Variants in ADAMTSL3 observed in about 807,000 individuals in gnomAD.
ADAMTSL3 encodes ADAMTS like 3.
A neutral mutation model predicts 201.7 loss-of-function variants in ADAMTSL3; 128 were observed. The observed-to-expected ratio is 0.63, with a 90% CI of 0.55 to 0.73. The LOEUF is 0.73. ADAMTSL3 is among the 30% of genes least tolerant of loss of function. The pLI is 0.00. For missense variants in ADAMTSL3, 1,990 were observed against 2,119.6 expected (o/e 0.94, Z 1.20); for synonymous variants, 738 against 748.4 (o/e 0.99, Z 0.23).
chr15:83,850,442 GTA>G (rs532145488), intron 7 of ADAMTSL3, among the ~76,000 whole-genome samples: 3 of 150,518 alleles, frequency 2.0e-5, no homozygotes, highest in African/African-American at 4.9e-5. Context: ...ATACATATGT[GTA>G]TATATATGTG....
chr15:83,737,601 T>G (rs1002713262), intron 3 of ADAMTSL3, among the ~76,000 whole-genome samples: 15 of 152,236 alleles, frequency 9.9e-5, no homozygotes, highest in African/African-American at 3.6e-4. Flanking sequence ...AACTCTTTTC[T>G]TTATAAGTTG....
intron 16 of ADAMTSL3, among the ~76,000 whole-genome samples, chr15:83,921,179 T>C (rs2066136250): frequency 6.6e-6 from 1 of 152,180 alleles, no homozygotes; most frequent in African/African-American, 2.4e-5. Context: ...TGTGTGGAGT[T>C]GGGGAGTTCA....
chr15:83,776,675 C>A (rs12908469), intron 4 of ADAMTSL3, among the ~76,000 whole-genome samples: 1 of 151,972 alleles, frequency 6.6e-6, no homozygotes, highest in Non-Finnish European at 1.5e-5. Context: ...TGAGATTGCG[C>A]CATTGCACTC....
chr15:83,716,626 T>G lies in ADAMTSL3; in HGVS notation c.189+12118T>G, dbSNP rs537930692. Among the ~76,000 whole-genome samples, 9 of 130,444 alleles carry G rather than the reference T, an allele frequency of 6.9e-5. No individual in the cohort carries two copies. In the East Asian group the frequency reaches 9.5e-4, roughly 14 times the overall value. The allele number at this position is 130,444 out of a possible 152,430, so 85.6% of individuals were successfully genotyped here. A position where few individuals can be genotyped will look rare whatever the true frequency, so the allele number is the denominator to read the frequency against. ...TATTTCTTTGTGTGTGTGTGTGTGT[T>G]GTGTGTGTGTGTGTTTGTAATTATT... is the stretch of plus-strand genomic sequence containing the variant. On this transcript the variant is annotated intron_variant, in intron 3 of 29. Coordinates refer to ENST00000286744, the MANE Select transcript of ADAMTSL3 (RefSeq NM_207517.3).
intron 3 of ADAMTSL3, among the ~76,000 whole-genome samples, chr15:83,733,297 A>G (rs1330632636): frequency 6.6e-6 from 1 of 152,190 alleles, no homozygotes; most frequent in East Asian, 1.9e-4. Flanking sequence ...AAATGAATGG[A>G]CAAAACTAAT....
intron 3 of ADAMTSL3, among the ~76,000 whole-genome samples, chr15:83,737,508 G>A (rs187458384): frequency 8.0e-4 from 122 of 152,216 alleles, no homozygotes; most frequent in Non-Finnish European, 1.2e-3. Context: ...CTGCCACCAC[G>A]TATGACATGC....
At chr15:84,005,558 A>C (rs1409085574) in intron 23 of ADAMTSL3, among the ~76,000 whole-genome samples, 1 of 152,198 alleles carries the variant, frequency 6.6e-6, no homozygotes, top group African/African-American at 2.4e-5. Flanking sequence ...TCTAGCCTAT[A>C]AATAAGACTC....
chr15:83,862,052 AAG>A (rs2064874772), intron 8 of ADAMTSL3: 1 of 152,192 alleles, frequency 6.6e-6, no homozygotes, highest in East Asian at 1.9e-4. Flanking sequence ...ATGAAGCGAA[AAG>A]AGAAGTTTAG....
chr15:83,842,641 G>A (rs57538494), intron 7 of ADAMTSL3, among the ~76,000 whole-genome samples: 15,958 of 152,282 alleles, frequency 0.1, 1,001 homozygotes, highest in Admixed American at 0.2. Context: ...TCTGGGGATT[G>A]ATTTTAAGAG....
chr15:83,970,270 G>T (rs1596479890), intron 19 of ADAMTSL3, among the ~76,000 whole-genome samples: 1 of 150,176 alleles, frequency 6.7e-6, no homozygotes, highest in African/African-American at 2.4e-5. Flanking sequence ...AAAAGAGAAA[G>T]AAAGAAAGGA....
chr15:83,797,871 A>G (rs1359816999), intron 4 of ADAMTSL3, among the ~76,000 whole-genome samples: 1 of 152,162 alleles, frequency 6.6e-6, no homozygotes, highest in Non-Finnish European at 1.5e-5. Context: ...GTGGTTTAAG[A>G]TTGCTCATTG....
chr15:84,001,290 T>C (rs2067788355), intron 23 of ADAMTSL3, among the ~76,000 whole-genome samples: 1 of 152,198 alleles, frequency 6.6e-6, no homozygotes, highest in Non-Finnish European at 1.5e-5. Flanking sequence ...GGCAGCCATA[T>C]TGCAAAGAGC....
intron 3 of ADAMTSL3, among the ~76,000 whole-genome samples, chr15:83,710,495 C>A (rs753507245): frequency 6.6e-6 from 1 of 152,036 alleles, no homozygotes; most frequent in Non-Finnish European, 1.5e-5. Flanking sequence ...CTTCAACAGG[C>A]ATCCTTTTTA....
At chr15:84,026,639 CAT>C (rs200638959) in intron 27 of ADAMTSL3, among the ~76,000 whole-genome samples, 2 of 151,760 alleles carry the variant, frequency 1.3e-5, no homozygotes, top group Non-Finnish European at 2.9e-5. Flanking sequence ...GAGATAAACC[CAT>C]ATATATATAT....
intron 15 of ADAMTSL3, among the ~76,000 whole-genome samples, chr15:83,904,200 C>G (rs1476467022): frequency 6.6e-6 from 1 of 151,858 alleles, no homozygotes; most frequent in East Asian, 1.9e-4. Context: ...GCCATCTCTC[C>G]CTCTGTGGTC....
intron 3 of ADAMTSL3, among the ~76,000 whole-genome samples, chr15:83,741,827 T>C (rs1567113035): frequency 1.3e-5 from 2 of 152,068 alleles, no homozygotes; most frequent in Admixed American, 6.6e-5. Context: ...CTAGACCCCT[T>C]ATCTACAAAC....
chr15:83,858,413 C>A (rs2064785856), intron 7 of ADAMTSL3, among the ~76,000 whole-genome samples: 1 of 152,150 alleles, frequency 6.6e-6, no homozygotes, highest in African/African-American at 2.4e-5. Flanking sequence ...TACTCTGTTG[C>A]CCAGGCTGGA....
chr15:83,846,922 A>G (rs1461143323), intron 7 of ADAMTSL3, among the ~76,000 whole-genome samples: 1 of 152,234 alleles, frequency 6.6e-6, no homozygotes, highest in South Asian at 2.1e-4. Flanking sequence ...ACATAGTCCC[A>G]TCTCCTGCAT....
intron 15 of ADAMTSL3, among the ~76,000 whole-genome samples, chr15:83,900,898 G>A (rs2065711162): frequency 6.6e-6 from 1 of 152,154 alleles, no homozygotes; most frequent in Admixed American, 6.5e-5. Flanking sequence ...ATCATTCTTA[G>A]CCTTTTCAGC....
Sources: allele counts gnomAD v4.1 joint callset (sites outside exome capture counted in the v4.1 genomes callset), GRCh38; gene constraint gnomAD v4.1.1; transcripts MANE v1.5; gene names NCBI Gene and HGNC (gene_info 2026-07-23, HGNC 2026-07-21).